The following TMEM64 variants were observed in gnomAD, a reference collection of about 807,000 sequenced individuals.
TMEM64 encodes transmembrane protein 64.
Under a neutral mutation model 24.5 loss-of-function variants are expected in TMEM64, and 19 were observed. That is an observed-to-expected ratio of 0.78 (90% CI 0.54 to 1.14). TMEM64 has a LOEUF of 1.14. Among genes scored for constraint, TMEM64 ranks in the 50% most tolerant of loss-of-function variants. The probability of loss-of-function intolerance (pLI) is 0.00; values close to 1 mark genes in which losing one functional copy is unlikely to be tolerated. For synonymous variants in TMEM64, 262 were observed against 224.7 expected, an observed-to-expected ratio of 1.17 and a Z score of -1.49; for missense variants, 487 against 493.0, an observed-to-expected ratio of 0.99 and a Z score of 0.12.
chr8:90,633,535 A>C (rs943116103), intron 1 of TMEM64, among the ~76,000 whole-genome samples: 5 of 152,232 alleles, frequency 3.3e-5, no homozygotes, highest in Non-Finnish European at 7.3e-5. Context: ...TACATGACAC[A>C]CGTATCTTAA....
In TMEM64 at chr8:90,645,967, C is replaced by A; in HGVS notation, c.-62G>T. Reference sequence around the variant, plus strand: ...CTCCGCCGCGGCGCCCGTTAGGCAGCTGCCCTTCATGGCGCCCGGTTCGCC... The same window carrying A: ...CTCCGCCGCGGCGCCCGTTAGGCAGATGCCCTTCATGGCGCCCGGTTCGCC... On this transcript the variant is annotated 5_prime_UTR_variant, in exon 1 of 3. Transcript: ENST00000458549. This position sits in a 1 kb window ranked among gnomAD's most constrained non-coding sequence, Gnocchi z 4.2. The A allele has an allele frequency of 1.0e-6, 1 of 964,908 alleles. No homozygotes were observed. The highest frequency in any genetic ancestry group is 1.3e-6 in the Non-Finnish European group (1 of 783,882). The allele number at this position is 964,908 out of a possible 1,614,324, so 59.8% of individuals were successfully genotyped here. A position where few individuals can be genotyped will look rare whatever the true frequency, so the allele number is the denominator to read the frequency against.
At chr8:90,629,300 A>T (rs1809405674) in intron 2 of TMEM64, among the ~76,000 whole-genome samples, 1 of 152,210 alleles carries the variant, frequency 6.6e-6, no homozygotes, top group African/African-American at 2.4e-5. Flanking sequence ...AAGGGTGAGA[A>T]ATCACTGAAT....
In TMEM64 at chr8:90,645,403, A is replaced by G. The variant is rs1393942218; in HGVS notation, c.503T>C (p.Ile168Thr). The change falls in exon 1 of 3, where the codon ATC becomes ACC. Residue 168 changes from isoleucine to threonine, a missense_variant. By Grantham distance (89) the Ile-to-Thr change is moderately conservative. This residue lies in a region of TMEM64 where 419 missense variants were observed against 407.5 expected (regional missense o/e 1.03). Coordinates refer to ENST00000458549, the MANE Select transcript of TMEM64 (RefSeq NM_001008495.4). The surrounding 1 kb of genome is among the most constrained non-coding windows in gnomAD (Gnocchi z 4.2). ...CCAGCCGCAGGGGAAAGAGACCACGATGAAGCCCACGACGAAGAGCAGGAC... is the reference window on the plus strand; with the variant it reads ...CCAGCCGCAGGGGAAAGAGACCACGGTGAAGCCCACGACGAAGAGCAGGAC... ...LGVLLFVVGF[I>T]VVSFPCGWGY... 6.4e-7 allele frequency: 1 copy of G among 1,551,810 alleles called. No individual in the cohort carries two copies. The highest frequency in any genetic ancestry group is 8.7e-7 in the Non-Finnish European group (1 of 1,147,040).
rs1287398634 is a variant in TMEM64 at position 90,645,561 on chromosome 8, G to A, written c.345C>T (p.Gly115=). 5.8e-6 allele frequency: 9 copies of A among 1,545,684 alleles called. No individual in the cohort carries two copies. In the Admixed American group the frequency reaches 5.9e-5, roughly 10 times the overall value. The change falls in exon 1 of 3, where the codon GGC becomes GGT. Residue 115 remains glycine (G), a synonymous_variant. Coordinates refer to ENST00000458549, the MANE Select transcript of TMEM64 (RefSeq NM_001008495.4). The surrounding 1 kb of genome is among the most constrained non-coding windows in gnomAD (Gnocchi z 4.2). ...CGAGGCTCCGGCACCAACAGGTGCT[G>A]CCGAGGCAGCAGCAGCGCCAGTTTC... is the stretch of plus-strand genomic sequence containing the variant. The part of the protein sequence containing the change: ...EVRNWRCCCL[G]STCWCRSLVL...
intron 1 of TMEM64, 106 bp from the exon 2 acceptor site, chr8:90,631,813 A>G: frequency 1.1e-6 from 1 of 877,830 alleles, no homozygotes; most frequent in South Asian, 2.2e-5. Context: ...CTCGGGAAGG[A>G]GCTGACATCT....
intron 1 of TMEM64, among the ~76,000 whole-genome samples, chr8:90,636,575 A>G (rs1243296512): frequency 6.6e-6 from 1 of 152,188 alleles, no homozygotes; most frequent in Non-Finnish European, 1.5e-5. Context: ...GGCATTTTCT[A>G]TAAGCAAAAA....
chr8:90,631,763 A>C (rs1190800047), intron 1 of TMEM64, 56 bp from the exon 2 acceptor site: 4 of 1,494,442 alleles, frequency 2.7e-6, no homozygotes, highest in Non-Finnish European at 2.8e-6. Context: ...TCAATTCAAC[A>C]TAAAAAAATG....
intron 1 of TMEM64, among the ~76,000 whole-genome samples, chr8:90,643,593 A>G (rs1007785057): frequency 6.6e-6 from 1 of 152,232 alleles, no homozygotes; most frequent in Non-Finnish European, 1.5e-5. Flanking sequence ...CACACGGTAG[A>G]TGGACAAGAA....
chr8:90,622,158 G>C lies in TMEM64; in HGVS notation c.*3513C>G, dbSNP rs1319794713. 1.3e-5 allele frequency: 2 copies of C among 152,116 alleles called. No homozygotes were observed. Among genetic ancestry groups the C allele is most frequent in the Non-Finnish European group, 2.9e-5 (2 of 68,030 alleles). The allele number at this position is 152,116 out of a possible 1,614,324, so 9.4% of individuals were successfully genotyped here. ...TTTGCAATTCATAAGTATCAGGTTAGAATTTAGTTGTGGAATAAGTTAACA... is the reference window on the plus strand; with the variant it reads ...TTTGCAATTCATAAGTATCAGGTTACAATTTAGTTGTGGAATAAGTTAACA... On this transcript the variant is annotated 3_prime_UTR_variant, in exon 3 of 3. Coordinates refer to ENST00000458549, the MANE Select transcript of TMEM64 (RefSeq NM_001008495.4).
At chr8:90,627,201 G>A (rs896099564) in intron 2 of TMEM64, among the ~76,000 whole-genome samples, 9 of 152,126 alleles carry the variant, frequency 5.9e-5, no homozygotes, top group Non-Finnish European at 1.2e-4. Context: ...GGTTGGGGGA[G>A]GAGATAACAG....
intron 1 of TMEM64, among the ~76,000 whole-genome samples, chr8:90,636,324 C>G (rs189827189): frequency 6.6e-6 from 1 of 152,140 alleles, no homozygotes; most frequent in Non-Finnish European, 1.5e-5. Context: ...GGCACGATCT[C>G]GGCTCACTGC....
At chr8:90,635,042 C>T (rs921725857) in intron 1 of TMEM64, among the ~76,000 whole-genome samples, 1 of 152,190 alleles carries the variant, frequency 6.6e-6, no homozygotes, top group Admixed American at 6.5e-5. Context: ...CTCAACTGCT[C>T]ATGCGAGATG....
At chr8:90,644,478 T>A (rs2130513379) in intron 1 of TMEM64, among the ~76,000 whole-genome samples, 1 of 152,260 alleles carries the variant, frequency 6.6e-6, no homozygotes, top group East Asian at 1.9e-4. Context: ...ATATGCTAAC[T>A]GAGCAAAAGA....
At position 90,622,442 on chromosome 8, in the gene TMEM64, T is replaced by C. The variant is rs1410018956; in HGVS notation, c.*3229A>G. The C allele has an allele frequency of 6.6e-6, 1 of 152,234 alleles. No individual in the cohort carries two copies. The highest frequency in any genetic ancestry group is 1.5e-5 in the Non-Finnish European group (1 of 68,068). 9.4% of individuals were successfully genotyped at this position (152,234 alleles called of 1,614,324 possible). A position where few individuals can be genotyped will look rare whatever the true frequency, so the allele number is the denominator to read the frequency against. ...AGGCCATCAACCAGGTTAGTACTGT[T>C]TTTCCTGGGGTCTATGTAAAACTCT... On this transcript the variant is annotated 3_prime_UTR_variant, in exon 3 of 3. Coordinates refer to ENST00000458549, the MANE Select transcript of TMEM64 (RefSeq NM_001008495.4).
intron 2 of TMEM64, among the ~76,000 whole-genome samples, chr8:90,631,233 C>G (rs1050872785): frequency 6.6e-6 from 1 of 152,142 alleles, no homozygotes; most frequent in Non-Finnish European, 1.5e-5. Context: ...TTCAGATACA[C>G]TTCACACAAA....
At position 90,645,621 on chromosome 8, in the gene TMEM64, G is replaced by A; in HGVS notation, c.285C>T (p.Gly95=). The stretch of plus-strand genomic sequence containing the variant: ...CCACGCCGACCACCACGCCGCCGCC[G>A]CCACTCCCGGGGCCGCCCGCCAAGG... The part of the protein sequence containing the change: ...GGALAGGPGS[G]GGGVVVGVAE... Residue 95 remains glycine (G), a synonymous_variant, in exon 1 of 3, where the codon GGC becomes GGT. Coordinates refer to ENST00000458549, the MANE Select transcript of TMEM64 (RefSeq NM_001008495.4). This position sits in a 1 kb window ranked among gnomAD's most constrained non-coding sequence, Gnocchi z 4.2. 1 of 1,535,164 alleles carries A rather than the reference G, an allele frequency of 6.5e-7. No individual in the cohort carries two copies. The highest frequency in any genetic ancestry group is 1.2e-5 in the South Asian group (1 of 83,882).
At chr8:90,636,534 G>A (rs954873357) in intron 1 of TMEM64, among the ~76,000 whole-genome samples, 11 of 152,212 alleles carry the variant, frequency 7.2e-5, no homozygotes, top group East Asian at 3.8e-4. Flanking sequence ...GATTACACGC[G>A]TGAGCCACTG....
chr8:90,629,678 A>G (rs750139477), intron 2 of TMEM64, among the ~76,000 whole-genome samples: 5 of 152,180 alleles, frequency 3.3e-5, no homozygotes, highest in Admixed American at 6.5e-5. Context: ...TTATATAAAT[A>G]AACCAACTGT....
At chr8:90,634,740 A>G (rs896222086) in intron 1 of TMEM64, among the ~76,000 whole-genome samples, 3 of 152,180 alleles carry the variant, frequency 2.0e-5, no homozygotes, top group South Asian at 4.1e-4. Flanking sequence ...TGTTGCCACT[A>G]CTACTGATTT....
Sources: gnomAD v4.1 joint callset for allele counts (sites outside exome capture counted in the v4.1 genomes callset) on GRCh38, gnomAD v4.1.1 for gene constraint, gnomAD v4.1.1 regional missense constraint, Gnocchi (gnomAD v3.1) non-coding constraint, MANE v1.5 for transcripts, NCBI Gene and HGNC (gene_info 2026-07-23, HGNC 2026-07-21) for gene names.